COL21A1: variants seen among roughly 807,000 people sequenced by gnomAD.
COL21A1 encodes the protein collagen type XXI alpha 1 chain, also known as collagen alpha-1(XXI) chain.
Under a neutral mutation model 137.9 loss-of-function variants are expected in COL21A1, and 149 were observed. The observed-to-expected ratio is 1.08, with a 90% CI of 0.95 to 1.24. The LOEUF (loss-of-function observed/expected upper bound fraction) is 1.24, where lower values mean the gene tolerates loss of function less well. Ranked by LOEUF, COL21A1 falls within the 50% of genes most tolerant of loss-of-function variation. The pLI is 0.00. For synonymous variants in COL21A1, 456 were observed against 391.5 expected, an observed-to-expected ratio of 1.16 and a Z score of -1.95; for missense variants, 1,167 against 1,158.4, an observed-to-expected ratio of 1.01 and a Z score of -0.11.
At chr6:56,211,189 A>ATATATCTATATATACATATATATG (rs1780148475) in intron 1 of COL21A1, among the ~76,000 whole-genome samples, 1 of 13,478 alleles carries the variant, frequency 7.4e-5, no homozygotes, top group Non-Finnish European at 1.2e-4. Context: ...ATATATATGT[A>ATATATCTATATATACATATATATG]TATATGTATA....
intron 17 of COL21A1, among the ~76,000 whole-genome samples, chr6:56,086,199 C>G: frequency 6.6e-6 from 1 of 152,010 alleles, no homozygotes; most frequent in East Asian, 1.9e-4. Flanking sequence ...TCTTAACACT[C>G]TGCCTGTCAT....
chr6:56,262,921 A>C (rs1351898338), intron 1 of COL21A1, among the ~76,000 whole-genome samples: 1 of 152,184 alleles, frequency 6.6e-6, no homozygotes, highest in Admixed American at 6.5e-5. Context: ...ACAGCAACCA[A>C]ATTCAGAATA....
At chr6:56,150,744 A>G (rs1775256203) in intron 10 of COL21A1, among the ~76,000 whole-genome samples, 1 of 150,582 alleles carries the variant, frequency 6.6e-6, no homozygotes, top group Admixed American at 6.7e-5. Context: ...GATGGTCTTC[A>G]TGGAATCCTA....
chr6:56,318,521 G>A (rs1226589863), intron 1 of COL21A1, among the ~76,000 whole-genome samples: 2 of 152,060 alleles, frequency 1.3e-5, no homozygotes, highest in African/African-American at 2.4e-5. Flanking sequence ...TATTGCAGGG[G>A]GAAATAAAAT....
chr6:56,097,935 A>AT (rs1769615000), intron 17 of COL21A1, among the ~76,000 whole-genome samples: 2 of 48,510 alleles, frequency 4.1e-5, no homozygotes, highest in African/African-American at 1.0e-4. Context: ...ATAAATATAT[A>AT]AAAATATATA....
chr6:56,129,825 G>A (rs964875807), intron 12 of COL21A1, among the ~76,000 whole-genome samples: 2 of 147,260 alleles, frequency 1.4e-5, no homozygotes, highest in East Asian at 2.0e-4. Flanking sequence ...CCCAAACAGA[G>A]GACAAAAGAA....
chr6:56,354,974 T>C (rs1765799550), intron 1 of COL21A1, among the ~76,000 whole-genome samples: 1 of 152,248 alleles, frequency 6.6e-6, no homozygotes, highest in African/African-American at 2.4e-5. Flanking sequence ...TTCAACTTAC[T>C]ATTTTAAGAA....
At chr6:56,183,716 G>A (rs760534188) in intron 1 of COL21A1, among the ~76,000 whole-genome samples, 40 of 152,208 alleles carry the variant, frequency 2.6e-4, no homozygotes, top group Non-Finnish European at 5.7e-4. Context: ...AACACCATAA[G>A]CAGATCCAAA....
intron 12 of COL21A1, among the ~76,000 whole-genome samples, chr6:56,131,746 A>G (rs1228232481): frequency 6.6e-6 from 1 of 152,128 alleles, no homozygotes; most frequent in African/African-American, 2.4e-5. Flanking sequence ...ATCAAAAGTC[A>G]AAAACATAAA....
In COL21A1 at chr6:56,238,730, A is replaced by G. The variant is rs549357593; in HGVS notation, c.-39+8657T>C. Among the ~76,000 whole-genome samples, 46 of 152,300 alleles carry G rather than the reference A, an allele frequency of 3.0e-4. No homozygotes were observed. The Middle Eastern group carries it at 0.01, about 34-fold the overall frequency. On this transcript the variant is annotated intron_variant, in intron 1 of 29. Coordinates refer to ENST00000244728, the MANE Select transcript of COL21A1 (RefSeq NM_030820.4). ...CCCAAGTACTAGGTGGATAATGGCT[A>G]AAATCTGGATTTGCCTCTGCTCCAG...
At chr6:56,376,228 C>G (rs964399840) in intron 1 of COL21A1, among the ~76,000 whole-genome samples, 2 of 152,198 alleles carry the variant, frequency 1.3e-5, no homozygotes, top group Non-Finnish European at 2.9e-5. Flanking sequence ...ATTAAAACCT[C>G]TCCACTGGCT....
intron 1 of COL21A1, among the ~76,000 whole-genome samples, chr6:56,289,178 C>T (rs548430862): frequency 1.3e-5 from 2 of 152,326 alleles, no homozygotes; most frequent in African/African-American, 4.8e-5. Flanking sequence ...TTCATTCTTA[C>T]TGATATTAAC....
intron 16 of COL21A1, among the ~76,000 whole-genome samples, chr6:56,120,830 C>A (rs894061540): frequency 2.6e-5 from 4 of 151,058 alleles, no homozygotes; most frequent in Admixed American, 6.6e-5. Flanking sequence ...AAAAATGGAG[C>A]TACCATATGA....
chr6:56,207,598 C>T (rs1397504840), intron 1 of COL21A1, among the ~76,000 whole-genome samples: 1 of 152,216 alleles, frequency 6.6e-6, no homozygotes, highest in African/African-American at 2.4e-5. Flanking sequence ...CCGAATTCTG[C>T]CAGAAGTACA....
intron 17 of COL21A1, among the ~76,000 whole-genome samples, chr6:56,096,172 A>G (rs1011292326): frequency 1.3e-5 from 2 of 151,130 alleles, no homozygotes; most frequent in African/African-American, 2.4e-5. Context: ...TAAACAATGC[A>G]TACCTTTCGA....
chr6:56,116,657 T>G (rs1232091140), intron 16 of COL21A1, among the ~76,000 whole-genome samples: 2 of 151,958 alleles, frequency 1.3e-5, no homozygotes, highest in African/African-American at 4.8e-5. Context: ...CACGGAATAT[T>G]ATACACTGTT....
intron 1 of COL21A1, among the ~76,000 whole-genome samples, chr6:56,199,155 A>G (rs954731467): frequency 1.3e-5 from 2 of 152,046 alleles, no homozygotes; most frequent in African/African-American, 4.8e-5. Context: ...GATGGTAACT[A>G]TTACAGTTGT....
At chr6:56,243,605 T>C (rs1286292781) in intron 1 of COL21A1, among the ~76,000 whole-genome samples, 3 of 152,196 alleles carry the variant, frequency 2.0e-5, no homozygotes, top group African/African-American at 7.2e-5. Flanking sequence ...ATTAAGCACT[T>C]ACTATGAGCC....
intron 1 of COL21A1, among the ~76,000 whole-genome samples, chr6:56,389,651 C>T (rs1393104341): frequency 6.6e-6 from 1 of 152,014 alleles, no homozygotes; most frequent in Non-Finnish European, 1.5e-5. Flanking sequence ...ATCAAACTCT[C>T]GAAGGTCAAG....
Sources: allele counts gnomAD v4.1 joint callset (sites outside exome capture counted in the v4.1 genomes callset), GRCh38; gene constraint gnomAD v4.1.1; transcripts MANE v1.5; gene names NCBI Gene and HGNC (gene_info 2026-07-23, HGNC 2026-07-21).